The following PRKCE variants were observed in gnomAD, a reference collection of about 807,000 sequenced individuals.
PRKCE encodes protein kinase C epsilon type.
Under a neutral mutation model 85.4 loss-of-function variants are expected in PRKCE, and 16 were observed. That is an observed-to-expected ratio of 0.19 (90% CI 0.13 to 0.28). PRKCE has a LOEUF of 0.28. Ranked by LOEUF, PRKCE falls within the 10% of genes least tolerant of loss-of-function variation. The pLI is 1.00. For missense variants in PRKCE, 573 were observed against 975.2 expected, an observed-to-expected ratio of 0.59 and a Z score of 5.49; for synonymous variants, 388 against 371.5, an observed-to-expected ratio of 1.04 and a Z score of -0.51.
intron 2 of PRKCE, among the ~76,000 whole-genome samples, chr2:45,881,702 G>A (rs764344622): frequency 6.6e-6 from 1 of 152,188 alleles, no homozygotes; most frequent in Non-Finnish European, 1.5e-5. Flanking sequence ...GACCCAGCAC[G>A]ATGGAATGAC....
intron 1 of PRKCE, among the ~76,000 whole-genome samples, chr2:45,678,479 A>G (rs1312489387): frequency 6.6e-6 from 1 of 152,194 alleles, no homozygotes; most frequent in African/African-American, 2.4e-5. Context: ...GGTTAAGGTA[A>G]CCAGTCATTT....
chr2:46,034,640 G>A (rs79746973), intron 10 of PRKCE, among the ~76,000 whole-genome samples: 202 of 152,276 alleles, frequency 1.3e-3, no homozygotes, highest in African/African-American at 4.7e-3. Context: ...TTGGGAGCAC[G>A]CCGAGGCCAT....
chr2:45,969,060 T>C (rs1701929323), intron 2 of PRKCE, among the ~76,000 whole-genome samples: 2 of 149,412 alleles, frequency 1.3e-5, no homozygotes, highest in African/African-American at 2.5e-5. Flanking sequence ...TATTCATTGA[T>C]ATAAAACCTT....
intron 1 of PRKCE, among the ~76,000 whole-genome samples, chr2:45,720,326 G>T (rs1466752050): frequency 6.6e-6 from 1 of 152,172 alleles, no homozygotes; most frequent in African/African-American, 2.4e-5. Flanking sequence ...AGAACTACCT[G>T]GGAGGTTGGC....
chr2:45,884,970 TATATATATATATATATATATA>T (rs1226985219), intron 2 of PRKCE, among the ~76,000 whole-genome samples: 16 of 61,678 alleles, frequency 2.6e-4, no homozygotes, highest in Admixed American at 1.0e-3. Flanking sequence ...TATATATATA[TATATATATATATATATATATA>T]TATATATATA....
rs371508413 is a variant in PRKCE at position 45,848,564 on chromosome 2, G to A, written c.412+5501G>A. On this transcript the variant is annotated intron_variant, in intron 2 of 14. Coordinates refer to ENST00000306156, the MANE Select transcript of PRKCE (RefSeq NM_005400.3). ...GACTTCATGTGACCCACCCACCTCG[G>A]CCTCCCAAAGTGCTGGGATTACAGG... Among the ~76,000 whole-genome samples, 13 of 152,308 alleles carry A rather than the reference G, an allele frequency of 8.5e-5. No individual in the cohort carries two copies. The East Asian group carries it at 2.3e-3, about 27-fold the overall frequency.
intron 1 of PRKCE, among the ~76,000 whole-genome samples, chr2:45,709,536 A>T (rs908155587): frequency 6.6e-6 from 1 of 152,208 alleles, no homozygotes; most frequent in African/African-American, 2.4e-5. Flanking sequence ...AGTACAGACT[A>T]TGCTCTAGGA....
chr2:46,043,157 C>G (rs1050124583), intron 10 of PRKCE, among the ~76,000 whole-genome samples: 2 of 151,300 alleles, frequency 1.3e-5, no homozygotes, highest in African/African-American at 4.9e-5. Context: ...GATCCTTGTG[C>G]CAAAGTCATG....
At chr2:45,661,406 C>T (rs1344848229) in intron 1 of PRKCE, among the ~76,000 whole-genome samples, 1 of 151,900 alleles carries the variant, frequency 6.6e-6, no homozygotes, top group African/African-American at 2.4e-5. Context: ...TGGTCTTAAA[C>T]TCCTGACCTT....
At chr2:46,128,790 T>TA (rs925878656) in intron 11 of PRKCE, among the ~76,000 whole-genome samples, 10 of 152,184 alleles carry the variant, frequency 6.6e-5, no homozygotes, top group African/African-American at 2.4e-4. Context: ...ACCACACACC[T>TA]AAAGACCTTC....
intron 1 of PRKCE, among the ~76,000 whole-genome samples, chr2:45,783,197 G>C (rs1394699692): frequency 6.6e-6 from 1 of 152,178 alleles, no homozygotes; most frequent in African/African-American, 2.4e-5. Flanking sequence ...ATGACTTCCA[G>C]CTCCTTTACG....
At chr2:45,681,676 C>T (rs1409049395) in intron 1 of PRKCE, among the ~76,000 whole-genome samples, 1 of 152,106 alleles carries the variant, frequency 6.6e-6, no homozygotes, top group African/African-American at 2.4e-5. Flanking sequence ...TCAGAGAGAC[C>T]AGAGCTGGGG....
chr2:45,976,686 G>T, intron 3 of PRKCE, 98 bp downstream of exon 3: 3 of 1,385,678 alleles, frequency 2.2e-6, no homozygotes, highest in Non-Finnish European at 3.0e-6. Context: ...AAAGAATGCT[G>T]GTGTGCCTCG....
At chr2:46,021,290 T>C (rs79902553) in intron 10 of PRKCE, among the ~76,000 whole-genome samples, 2,873 of 152,286 alleles carry the variant, frequency 0.019, 92 homozygotes, top group African/African-American at 0.066. Context: ...TTTGCACTTA[T>C]TCTGGAAGTA....
intron 10 of PRKCE, among the ~76,000 whole-genome samples, chr2:46,077,104 A>C (rs1193514939): frequency 5.9e-5 from 9 of 152,208 alleles, no homozygotes; most frequent in Non-Finnish European, 8.8e-5. Flanking sequence ...ACAATACTGT[A>C]TTGTATACTT....
chr2:45,675,929 C>A (rs1572906525), intron 1 of PRKCE, among the ~76,000 whole-genome samples: 1 of 152,080 alleles, frequency 6.6e-6, no homozygotes, highest in African/African-American at 2.4e-5. Flanking sequence ...TTTTACTCCC[C>A]TTTTTCAATA....
intron 2 of PRKCE, among the ~76,000 whole-genome samples, chr2:45,958,190 C>CAA (rs60711691): frequency 3.4e-4 from 37 of 110,046 alleles, no homozygotes; most frequent in Non-Finnish European, 4.8e-4. Context: ...ATTAGGCCCG[C>CAA]AAAAAAAAAA....
At chr2:45,909,696 C>T (rs1317926790) in intron 2 of PRKCE, among the ~76,000 whole-genome samples, 1 of 152,216 alleles carries the variant, frequency 6.6e-6, no homozygotes, top group Non-Finnish European at 1.5e-5. Flanking sequence ...GTGAGGCTAC[C>T]GTTTCACAGT....
chr2:45,731,291 A>G (rs78250061), intron 1 of PRKCE, among the ~76,000 whole-genome samples: 8,370 of 152,288 alleles, frequency 0.055, 333 homozygotes, highest in Middle Eastern at 0.12. Context: ...ATTCACTTAG[A>G]CAGAGCAGCT....
Sources: allele counts gnomAD v4.1 joint callset (sites outside exome capture counted in the v4.1 genomes callset), GRCh38; gene constraint gnomAD v4.1.1; transcripts MANE v1.5; gene names NCBI Gene and HGNC (gene_info 2026-07-23, HGNC 2026-07-21).